SPAST: variants seen among roughly 807,000 people sequenced by gnomAD.
SPAST encodes the protein spastin, also known as spastic paraplegia 4 (autosomal dominant; spastin).
A neutral mutation model predicts 76.6 loss-of-function variants in SPAST; 30 were observed. The observed-to-expected ratio is 0.39, with a 90% confidence interval of 0.29 to 0.53. SPAST has a LOEUF of 0.53. Ranked by LOEUF, SPAST falls within the 20% of genes least tolerant of loss-of-function variation. The pLI, the probability that SPAST is intolerant of heterozygous loss-of-function variation, is 0.68. For missense variants in SPAST, 717 were observed against 770.5 expected (o/e 0.93, Z 0.82); for synonymous variants, 305 against 281.0 (o/e 1.09, Z -0.86).
intron 3 of SPAST, among the ~76,000 whole-genome samples, chr2:32,096,346 ACT>A (rs1677913766): frequency 1.3e-5 from 2 of 151,982 alleles, no homozygotes; most frequent in African/African-American, 2.4e-5. Context: ...GAGGCAGGAG[ACT>A]CTCTTGAACC....
chr2:32,109,787 CAT>C (rs1006881607), intron 4 of SPAST, among the ~76,000 whole-genome samples: 8 of 147,666 alleles, frequency 5.4e-5, no homozygotes, highest in African/African-American at 1.7e-4. Flanking sequence ...TATGCACATA[CAT>C]ATATAGTTAC....
At chr2:32,071,149 G>C (rs1193896444) in intron 1 of SPAST, among the ~76,000 whole-genome samples, 1 of 152,092 alleles carries the variant, frequency 6.6e-6, no homozygotes, top group Non-Finnish European at 1.5e-5. Flanking sequence ...AAATCTCCTG[G>C]GTAACACAAT....
At chr2:32,148,575 C>T (rs535611587) in intron 16 of SPAST, among the ~76,000 whole-genome samples, 5 of 151,654 alleles carry the variant, frequency 3.3e-5, no homozygotes, top group Admixed American at 1.3e-4. Flanking sequence ...TTTGGGAGGC[C>T]GAGGCGGGCG....
At chr2:32,141,967 T>G in intron 13 of SPAST, 21 bp downstream of exon 13, 1 of 1,604,150 alleles carries the variant, frequency 6.2e-7, no homozygotes, top group Non-Finnish European at 8.5e-7. Flanking sequence ...GTGTTTGAAT[T>G]TTTTTTGTTT....
chr2:32,129,031 A>G (rs1325232953), intron 9 of SPAST: 2 of 165,914 alleles, frequency 1.2e-5, no homozygotes, highest in East Asian at 1.7e-4. Flanking sequence ...TGTCCAAATA[A>G]TGTCACATTC....
chr2:32,143,019 A>T lies in SPAST; in HGVS notation c.1537-317A>T, dbSNP rs1385082390. On this transcript the variant is annotated intron_variant, in intron 13 of 16. Coordinates refer to ENST00000315285, the MANE Select transcript of SPAST (RefSeq NM_014946.4). The stretch of plus-strand genomic sequence containing the variant: ...GGTGTCTCACGCCTATAATCCCAAC[A>T]CTTTGGGAGGCTGAGGTGGGAGGAT... 2.0e-5 allele frequency among the ~76,000 whole-genome samples: 3 copies of T among 152,220 alleles called. No individual in the cohort carries two copies. The East Asian group carries it at 5.8e-4, about 29-fold the overall frequency.
intron 7 of SPAST, among the ~76,000 whole-genome samples, chr2:32,123,177 G>A (rs1165608978): frequency 2.0e-5 from 3 of 151,810 alleles, no homozygotes; most frequent in African/African-American, 7.3e-5. Context: ...CAGGAGAATC[G>A]CTTGAACCCA....
chr2:32,099,849 A>AT (rs2148718547), intron 4 of SPAST, among the ~76,000 whole-genome samples: 1 of 152,076 alleles, frequency 6.6e-6, no homozygotes, highest in African/African-American at 2.4e-5. Flanking sequence ...TTTCTATGAG[A>AT]TTAACTTTTT....
At chr2:32,097,978 G>A (rs950860067) in intron 3 of SPAST, among the ~76,000 whole-genome samples, 1 of 151,996 alleles carries the variant, frequency 6.6e-6, no homozygotes, top group Non-Finnish European at 1.5e-5. Flanking sequence ...GATTACAGAC[G>A]TGAGCCACTG....
intron 1 of SPAST, among the ~76,000 whole-genome samples, chr2:32,084,887 C>CAAAAAAA (rs34046587): frequency 1.2e-5 from 1 of 81,568 alleles, no homozygotes; most frequent in Non-Finnish European, 2.3e-5. Context: ...GACTCCGTCT[C>CAAAAAAA]AAAAAAAAAA....
chr2:32,096,247 C>T (rs1354848563), intron 3 of SPAST, among the ~76,000 whole-genome samples: 2 of 152,132 alleles, frequency 1.3e-5, no homozygotes, highest in Non-Finnish European at 2.9e-5. Context: ...CAAGTCTGGC[C>T]AACATGGCAA....
At chr2:32,112,522 G>GT (rs1177082253) in intron 4 of SPAST, among the ~76,000 whole-genome samples, 2 of 151,662 alleles carry the variant, frequency 1.3e-5, no homozygotes, top group African/African-American at 4.8e-5. Context: ...TAATTTTTGT[G>GT]TTTTTAGTAG....
chr2:32,121,224 C>T (rs572957556), intron 7 of SPAST, among the ~76,000 whole-genome samples: 143 of 152,304 alleles, frequency 9.4e-4, no homozygotes, highest in African/African-American at 3.2e-3. Flanking sequence ...GCAACCTCAG[C>T]TCACTGCAAC....
rs886055982 is a variant in SPAST, at chr2:32,157,275, G to A, written c.*2779G>A. On this transcript the variant is annotated 3_prime_UTR_variant, in exon 17 of 17. Coordinates refer to ENST00000315285, the MANE Select transcript of SPAST (RefSeq NM_014946.4). The stretch of plus-strand genomic sequence containing the variant: ...GTACTATCTTTCCAGATATCTTAAG[G>A]GTAAAAGCTTATTCTAAGACAGTCT... The A allele has an allele frequency of 1.1e-4, 17 of 152,506 alleles. No individual in the cohort carries two copies. Among genetic ancestry groups the A allele is most frequent in the African/African-American group, 4.1e-4 (17 of 41,412 alleles). 9.4% of individuals were successfully genotyped at this position (152,506 alleles called of 1,614,324 possible).
At chr2:32,087,381 T>C in intron 1 of SPAST, 111 bp from the exon 2 acceptor site, 1 of 639,372 alleles carries the variant, frequency 1.6e-6, no homozygotes, top group Non-Finnish European at 2.8e-6. Flanking sequence ...TAGTAATGTT[T>C]CTCAGACTTG....
intron 8 of SPAST, chr2:32,127,342 T>C: frequency 2.9e-6 from 1 of 348,860 alleles, no homozygotes; most frequent in Non-Finnish European, 5.5e-6. Context: ...GGTGTCGAAC[T>C]CCTGACCTCA....
intron 16 of SPAST, among the ~76,000 whole-genome samples, chr2:32,147,825 G>A (rs1350993443): frequency 6.7e-6 from 1 of 149,610 alleles, no homozygotes; most frequent in African/African-American, 2.5e-5. Flanking sequence ...TAGAGACGGG[G>A]TTTCACCGTG....
chr2:32,064,161 CGGCGAG>C lies in SPAST; in HGVS notation c.332_337del (p.Gly111_Glu112del). 1 of 1,553,114 alleles carries C rather than the reference CGGCGAG, an allele frequency of 6.4e-7. No individual in the cohort carries two copies. The highest frequency in any genetic ancestry group is 8.7e-7 in the Non-Finnish European group (1 of 1,149,080). Reference sequence around the variant, plus strand: ...CCTCGGCCCCGGCGCCGGTGCCGGGCGGCGAGGCCGAGCGCGTCCGAGTCTTCCACA... The same window carrying C: ...CCTCGGCCCCGGCGCCGGTGCCGGGCGCCGAGCGCGTCCGAGTCTTCCACA... On this transcript the variant is annotated inframe_deletion, in exon 1 of 17. Coordinates refer to ENST00000315285, the MANE Select transcript of SPAST (RefSeq NM_014946.4).
chr2:32,112,403 AATGGAGTG>A (rs1678650108), intron 4 of SPAST, among the ~76,000 whole-genome samples: 1 of 144,878 alleles, frequency 6.9e-6, no homozygotes, highest in Non-Finnish European at 1.5e-5. Context: ...GCTGGAGTGC[AATGGAGTG>A]ATCTTGGCTC....
Sources: gnomAD v4.1 joint callset for allele counts (sites outside exome capture counted in the v4.1 genomes callset) on GRCh38, gnomAD v4.1.1 for gene constraint, MANE v1.5 for transcripts, NCBI Gene and HGNC (gene_info 2026-07-23, HGNC 2026-07-21) for gene names.